GPR180: variants seen among roughly 807,000 people sequenced by gnomAD.
GPR180 encodes the protein G protein-coupled receptor 180.
A neutral mutation model predicts 52.6 loss-of-function variants in GPR180; 53 were observed. That is an observed-to-expected ratio of 1.01 (90% confidence interval 0.81 to 1.27). The LOEUF (loss-of-function observed/expected upper bound fraction) is 1.27. Ranked by LOEUF, GPR180 falls within the 50% of genes most tolerant of loss-of-function variation. The pLI, the probability that GPR180 is intolerant of heterozygous loss-of-function variation, is 0.00. For missense variants in GPR180, 533 were observed against 527.0 expected (o/e 1.01, Z -0.11); for synonymous variants, 200 against 193.1 (o/e 1.04, Z -0.30).
intron 3 of GPR180, among the ~76,000 whole-genome samples, chr13:94,615,417 G>A (rs529757125): frequency 2.6e-5 from 4 of 152,284 alleles, no homozygotes; most frequent in African/African-American, 9.6e-5. Context: ...GGTGCAGATA[G>A]TTGCAATTAA....
chr13:94,625,908 G>A, intron 7 of GPR180, 58 bp from the exon 8 acceptor site: 1 of 1,315,660 alleles, frequency 7.6e-7, no homozygotes. Flanking sequence ...TTTTTGTCTG[G>A]TACATGCTGA....
At chr13:94,607,039 C>T (rs922048644) in intron 2 of GPR180, among the ~76,000 whole-genome samples, 3 of 152,212 alleles carry the variant, frequency 2.0e-5, no homozygotes, top group Non-Finnish European at 4.4e-5. Flanking sequence ...CCATCTTCCC[C>T]ATCCAGACCT....
chr13:94,605,417 A>C lies in GPR180; in HGVS notation c.172A>C (p.Ile58Leu), dbSNP rs768200236. 1 of 1,614,106 alleles carries C rather than the reference A, an allele frequency of 6.2e-7. No individual in the cohort carries two copies. The highest frequency in any genetic ancestry group is 2.2e-5 in the East Asian group (1 of 44,860). Residue 58 changes from isoleucine to leucine, a missense_variant, in exon 2 of 9, where the codon ATC (isoleucine) becomes CTC (leucine). Physicochemically the swap from Ile to Leu is conservative, Grantham distance 5. Coordinates refer to ENST00000376958, the MANE Select transcript of GPR180 (RefSeq NM_180989.6). The stretch of plus-strand genomic sequence containing the variant: ...TGACCATGCTCTTCTGTGTGTCAGA[A>C]TCAACAACATAGCAGTAGCTGTTGG... ...HGDHALLCVRINNIAVAVGKE... is the reference protein window; with the variant it reads ...HGDHALLCVRLNNIAVAVGKE...
At position 94,602,033 on chromosome 13, in the gene GPR180, G is replaced by A; in HGVS notation, c.106G>A (p.Asp36Asn). 3 of 1,454,732 alleles carry A rather than the reference G, an allele frequency of 2.1e-6. No individual in the cohort carries two copies. The highest frequency in any genetic ancestry group is 2.7e-6 in the Non-Finnish European group (3 of 1,103,524). 90.1% of individuals were successfully genotyped at this position (1,454,732 alleles called of 1,614,324 possible). ...RGSFSSTAAQ[D>N]AQGQRIGHFE... ...CAGCTTCAGCAGCACCGCGGCCCAG[G>A]ACGCCCAGGGCCAGCGCATCGGCCA... Residue 36 changes from aspartate (D) to asparagine (N), a missense_variant, in exon 1 of 9, where the codon GAC becomes AAC. By Grantham distance (23) the Asp-to-Asn change is conservative. Coordinates refer to ENST00000376958, the MANE Select transcript of GPR180 (RefSeq NM_180989.6).
rs543616546 is a variant in GPR180, at chr13:94,622,901, A to T, written c.895-208A>T. ...CAATAGAATTTTTTAAAAATCTCTT[A>T]ACTGTGGTCTCACTTGATAAAAATT... On this transcript the variant is annotated intron_variant, in intron 6 of 8. Coordinates refer to ENST00000376958, the MANE Select transcript of GPR180 (RefSeq NM_180989.6). Among the ~76,000 whole-genome samples the T allele has an allele frequency of 4.0e-4, 61 of 152,314 alleles. 1 individual carries two copies. The highest frequency in any genetic ancestry group is 1.7e-3 in the Admixed American group (26 of 15,306).
Position 94,605,534 on chromosome 13 carries a change from A to G in GPR180, c.289A>G (p.Lys97Glu), listed in dbSNP as rs1448529998. ...HGYSCSEKLS[K>E]AQLTMTMNQT... ...TTATAGCTGTAGTGAAAAATTATCC[A>G]AAGCTCAGTTGACAAGTGAGTATAT... Residue 97 changes from lysine (K) to glutamate (E), a missense_variant, in exon 2 of 9, where the codon AAA becomes GAA. Lys to Glu is a moderately conservative substitution (Grantham distance 56). Coordinates refer to ENST00000376958, the MANE Select transcript of GPR180 (RefSeq NM_180989.6). The G allele has an allele frequency of 6.2e-7, 1 of 1,612,840 alleles. No homozygotes were observed. The highest frequency in any genetic ancestry group is 1.7e-5 in the Admixed American group (1 of 59,758).
chr13:94,624,741 A>G (rs990784413), intron 7 of GPR180, among the ~76,000 whole-genome samples: 4 of 152,048 alleles, frequency 2.6e-5, no homozygotes, highest in African/African-American at 7.2e-5. Flanking sequence ...ACGGGGTTTC[A>G]CCGTGTTAGC....
chr13:94,605,873 A>G (rs1013522857), intron 2 of GPR180, among the ~76,000 whole-genome samples: 1 of 152,246 alleles, frequency 6.6e-6, no homozygotes, highest in Admixed American at 6.5e-5. Flanking sequence ...GTTGAATGCT[A>G]ATTATCTGCC....
chr13:94,617,709 A>G (rs893332069), intron 3 of GPR180, among the ~76,000 whole-genome samples: 1 of 152,196 alleles, frequency 6.6e-6, no homozygotes, highest in African/African-American at 2.4e-5. Flanking sequence ...CACATAATAG[A>G]AATATTTTCT....
chr13:94,625,871 T>G (rs1409749745), intron 7 of GPR180, 95 bp from the exon 8 acceptor site: 4 of 774,114 alleles, frequency 5.2e-6, no homozygotes, highest in Non-Finnish European at 8.6e-6. Flanking sequence ...TTGAGGTTAA[T>G]CAGAACCTAA....
At chr13:94,603,834 C>T (rs933993458) in intron 1 of GPR180, among the ~76,000 whole-genome samples, 1 of 152,196 alleles carries the variant, frequency 6.6e-6, no homozygotes, top group Non-Finnish European at 1.5e-5. Context: ...TCCCTAGAGG[C>T]AATAACTTAC....
rs1037202074 is a variant in GPR180 at position 94,634,305 on chromosome 13, T to TA, written c.*7135dup. 6.6e-5 allele frequency: 10 copies of TA among 152,150 alleles called. No individual in the cohort carries two copies. The highest frequency in any genetic ancestry group is 5.9e-4 in the Admixed American group (9 of 15,264). 9.4% of individuals were successfully genotyped at this position (152,150 alleles called of 1,614,324 possible). ...ACATTGACTCCTCAGCCAAGCATAT[T>TA]ATCAACTGTCGGAAACTAGGTTTTC... is the stretch of plus-strand genomic sequence containing the variant. On this transcript the variant is annotated 3_prime_UTR_variant, in exon 9 of 9. Transcript: ENST00000376958.
At position 94,630,418 on chromosome 13, in the gene GPR180, G is replaced by T. The variant is rs1234834421; in HGVS notation, c.*3247G>T. The T allele has an allele frequency of 6.6e-6, 1 of 152,210 alleles. No individual in the cohort carries two copies. Among genetic ancestry groups the T allele is most frequent in the Non-Finnish European group, 1.5e-5 (1 of 68,032 alleles). 9.4% of individuals were successfully genotyped at this position (152,210 alleles called of 1,614,324 possible). The stretch of plus-strand genomic sequence containing the variant: ...GATGATGAGCATACAGAAATTCTTT[G>T]TGCTAATCTTGTAATTTTTTTGTAA... On this transcript the variant is annotated 3_prime_UTR_variant, in exon 9 of 9. Transcript: ENST00000376958.
rs1203242344 is a variant in GPR180 at position 94,605,469 on chromosome 13, A to C, written c.224A>C (p.Gln75Pro). ...VGKEAKLYLF[Q>P]AQEWLKLQQS... ...AAAGAAGCTAAACTCTACCTGTTCC[A>C]AGCCCAGGAATGGCTAAAGCTACAG... The change falls in exon 2 of 9, where the codon CAA (glutamine) becomes CCA (proline). Residue 75 changes from glutamine (Q) to proline (P), a missense_variant. By Grantham distance (76) the Gln-to-Pro change is moderately conservative. Transcript: ENST00000376958. 1.2e-6 allele frequency: 2 copies of C among 1,614,100 alleles called. No homozygotes were observed. Among genetic ancestry groups the C allele is most frequent in the Admixed American group, 1.7e-5 (1 of 60,022 alleles).
chr13:94,619,525 T>A lies in GPR180; in HGVS notation c.736+8T>A, dbSNP rs553336598. On this transcript the variant is annotated splice_region_variant and intron_variant, in intron 5 of 8. Coordinates refer to ENST00000376958, the MANE Select transcript of GPR180 (RefSeq NM_180989.6). Reference sequence around the variant, plus strand: ...TGGGAAGTTTGGCAGAATGTGAGTATCTTTCTGAGCATTTTTTAAAAAGCT... The same window carrying A: ...TGGGAAGTTTGGCAGAATGTGAGTAACTTTCTGAGCATTTTTTAAAAAGCT... 6.2e-7 allele frequency: 1 copy of A among 1,608,976 alleles called. No individual in the cohort carries two copies. The highest frequency in any genetic ancestry group is 1.1e-5 in the South Asian group (1 of 90,518).
rs1463415206 is a variant in GPR180, at chr13:94,626,213, T to C, written c.1164+170T>C. ...GCAGATAAATTTGAAGTTTAAAATA[T>C]TTTTAAAATATTTATAAGCAAAATG... On this transcript the variant is annotated intron_variant, in intron 8 of 8. Coordinates refer to ENST00000376958, the MANE Select transcript of GPR180 (RefSeq NM_180989.6). Among the ~76,000 whole-genome samples, 2 of 152,176 alleles carry C rather than the reference T, an allele frequency of 1.3e-5. 1 individual carries two copies. The highest frequency in any genetic ancestry group is 2.9e-5 in the Non-Finnish European group (2 of 68,004).
chr13:94,627,398 T>C lies in GPR180; in HGVS notation c.*227T>C, dbSNP rs1463237299. ...ACAAACTTTGAAGAAAGTGTTGTTA[T>C]AAAATTATTGAAGCGATTTCTATGT... On this transcript the variant is annotated 3_prime_UTR_variant, in exon 9 of 9. Coordinates refer to ENST00000376958, the MANE Select transcript of GPR180 (RefSeq NM_180989.6). 4.4e-6 allele frequency: 2 copies of C among 455,264 alleles called. No homozygotes were observed. Among genetic ancestry groups the C allele is most frequent in the African/African-American group, 2.1e-5 (1 of 48,622 alleles). 28.2% of individuals were successfully genotyped at this position (455,264 alleles called of 1,614,324 possible).
chr13:94,627,048 T>G lies in GPR180; in HGVS notation c.1200T>G (p.Val400=), dbSNP rs201648367. ...TAGGTGTTATCCTTTGCCAGTCTGT[T>G]TCCATGGTTATTCTCTACAGACTCT... is the stretch of plus-strand genomic sequence containing the variant. ...ITIGVILCQS[V]SMVILYRLFL... is the part of the protein sequence containing the mutation. The change falls in exon 9 of 9, where the codon GTT becomes GTG. Residue 400 remains valine (V), a synonymous_variant. Transcript: ENST00000376958. 77 of 1,611,176 alleles carry G rather than the reference T, an allele frequency of 4.8e-5. No homozygotes were observed. The highest frequency in any genetic ancestry group is 2.2e-4 in the South Asian group (20 of 90,674).
At chr13:94,618,139 TC>T (rs1169764325) in intron 3 of GPR180, among the ~76,000 whole-genome samples, 1 of 152,212 alleles carries the variant, frequency 6.6e-6, no homozygotes, top group Admixed American at 6.5e-5. Flanking sequence ...TTGCCAGCCA[TC>T]TGTCTTTCCT....
Sources: gnomAD v4.1 joint callset for allele counts (sites outside exome capture counted in the v4.1 genomes callset) on GRCh38, gnomAD v4.1.1 for gene constraint, MANE v1.5 for transcripts, NCBI Gene and HGNC (gene_info 2026-07-23, HGNC 2026-07-21) for gene names.